FBXW9: variants seen among roughly 807,000 people sequenced by gnomAD.
FBXW9 encodes F-box and WD repeat domain containing 9, also known as F-box/WD repeat-containing protein 9.
In FBXW9, 38 loss-of-function variants were observed where a neutral mutation model predicts 55.8. That is an observed-to-expected ratio of 0.68 (90% CI 0.53 to 0.89). The LOEUF (loss-of-function observed/expected upper bound fraction) is 0.89. Ranked by LOEUF, FBXW9 falls within the 40% of genes least tolerant of loss-of-function variation. The pLI, the probability that FBXW9 is intolerant of heterozygous loss-of-function variation, is 0.00. For synonymous variants in FBXW9, 289 were observed against 278.2 expected (o/e 1.04, Z -0.38); for missense variants, 590 against 619.4 (o/e 0.95, Z 0.50).
At chr19:12,693,452 A>C (rs1392359428) in intron 3 of FBXW9, among the ~76,000 whole-genome samples, 2 of 134,770 alleles carry the variant, frequency 1.5e-5, no homozygotes, top group Non-Finnish European at 3.1e-5. Context: ...TGAGGCCAGG[A>C]GTTTGAGACC....
rs367865311 is a variant in FBXW9 at position 12,690,096 on chromosome 19, A to G, written c.898T>C (p.Leu300=). The part of the protein sequence containing the change: ...IYDPRAGPAL[L]KHQQLHSRPV... Reference sequence around the variant, plus strand: ...CTGGAGTGTAGTTGCTGGTGCTTCAACAGGGCTGGGCCGGCTTCATGGGTG... The same window carrying G: ...CTGGAGTGTAGTTGCTGGTGCTTCAGCAGGGCTGGGCCGGCTTCATGGGTG... The change falls in exon 6 of 10, where the codon TTG becomes CTG. Residue 300 remains leucine (L), a synonymous_variant. Transcript: ENST00000393261. 24 of 1,613,752 alleles carry G rather than the reference A, an allele frequency of 1.5e-5. No homozygotes were observed. In the African/African-American group the frequency reaches 3.1e-4, roughly 21 times the overall value.
At position 12,696,160 on chromosome 19, in the gene FBXW9, C is replaced by G. The variant is rs1599398023; in HGVS notation, c.409+13G>C. 1 of 1,510,398 alleles carries G rather than the reference C, an allele frequency of 6.6e-7. No individual in the cohort carries two copies. The allele number at this position is 1,510,398 out of a possible 1,614,324, so 93.6% of individuals were successfully genotyped here. On this transcript the variant is annotated intron_variant, in intron 1 of 9. Coordinates refer to ENST00000393261, the MANE Select transcript of FBXW9 (RefSeq NM_032301.3). Reference sequence around the variant, plus strand: ...CCCCCGGCCCCCGGTCCCCGGCCCCCGGCCCCGCGCACCTTCCACCACTGG... The same window carrying G: ...CCCCCGGCCCCCGGTCCCCGGCCCCGGGCCCCGCGCACCTTCCACCACTGG...
Position 12,689,337 on chromosome 19 carries a change from G to A in FBXW9, c.1302+35C>T. On this transcript the variant is annotated intron_variant, in intron 9 of 9. Transcript: ENST00000393261. The surrounding 1 kb of genome is among the most constrained non-coding windows in gnomAD (Gnocchi z 5.9). ...AGGAGTCAGGGACGATGGCGCTCTG[G>A]CCAGCTGGGCAGGGCACATGGGGCA... is the stretch of plus-strand genomic sequence containing the variant. 1.9e-6 allele frequency: 3 copies of A among 1,614,156 alleles called. No individual in the cohort carries two copies. The highest frequency in any genetic ancestry group is 1.7e-6 in the Non-Finnish European group (2 of 1,180,018).
chr19:12,695,029 C>A, intron 1 of FBXW9, 91 bp from the exon 2 acceptor site: 1 of 1,418,984 alleles, frequency 7.0e-7, no homozygotes, highest in African/African-American at 1.4e-5. Context: ...CCAGGGAGCC[C>A]ACACTACACC....
intron 3 of FBXW9, 119 bp from the exon 4 acceptor site, chr19:12,691,573 A>G (rs1599394614): frequency 2.6e-6 from 2 of 759,872 alleles, no homozygotes; most frequent in East Asian, 2.7e-5. Flanking sequence ...AAAGCCACAT[A>G]GCTCTTCCTC....
intron 3 of FBXW9, among the ~76,000 whole-genome samples, chr19:12,693,173 G>A (rs2025027244): frequency 2.0e-5 from 3 of 151,918 alleles, no homozygotes; most frequent in Admixed American, 2.0e-4. Flanking sequence ...CCAGCATCCT[G>A]GCCCCAAGCC....
In FBXW9 at chr19:12,696,599, T is replaced by C. The variant is rs1180901469; in HGVS notation, c.-18A>G. ...AGCTCCATTGCGACCGGGTGGGCGC[T>C]GCCGGCCTCGCGTCTTGTCTCCTAG... is the stretch of plus-strand genomic sequence containing the variant. On this transcript the variant is annotated 5_prime_UTR_variant, in exon 1 of 10. Coordinates refer to ENST00000393261, the MANE Select transcript of FBXW9 (RefSeq NM_032301.3). 6.2e-7 allele frequency: 1 copy of C among 1,602,316 alleles called. No homozygotes were observed. Among genetic ancestry groups the C allele is most frequent in the Non-Finnish European group, 8.5e-7 (1 of 1,178,888 alleles).
At position 12,693,555 on chromosome 19, in the gene FBXW9, TATATATACACACACAC is replaced by T. The variant is rs1277979613; in HGVS notation, c.678+1023_678+1038del. Among the ~76,000 whole-genome samples the T allele has an allele frequency of 7.5e-3, 153 of 20,492 alleles. 2 individuals carry two copies. Among genetic ancestry groups the T allele is most frequent in the Non-Finnish European group, 0.011 (120 of 11,388 alleles). 13.4% of individuals were successfully genotyped at this position (20,492 alleles called of 152,430 possible). On this transcript the variant is annotated intron_variant, in intron 3 of 9. Coordinates refer to ENST00000393261, the MANE Select transcript of FBXW9 (RefSeq NM_032301.3). ...ATATATATATATATATATATATATA[TATATATACACACACAC>T]ACACACACACACACACACACACACA...
rs2025001524 is a variant in FBXW9, at chr19:12,691,156, C to G, written c.883+10G>C. Reference sequence around the variant, plus strand: ...ATCTCCCAACCTGGGCCCCAGGACCCTTGGCCCACCTCTGGGGTCGTAGAT... The same window carrying G: ...ATCTCCCAACCTGGGCCCCAGGACCGTTGGCCCACCTCTGGGGTCGTAGAT... On this transcript the variant is annotated intron_variant, in intron 5 of 9. Coordinates refer to ENST00000393261, the MANE Select transcript of FBXW9 (RefSeq NM_032301.3). 6.2e-7 allele frequency: 1 copy of G among 1,612,386 alleles called. No individual in the cohort carries two copies. Among genetic ancestry groups the G allele is most frequent in the Non-Finnish European group, 8.5e-7 (1 of 1,178,598 alleles).
chr19:12,691,877 T>C (rs1228904509), intron 3 of FBXW9, among the ~76,000 whole-genome samples: 1 of 151,974 alleles, frequency 6.6e-6, no homozygotes, highest in Non-Finnish European at 1.5e-5. Context: ...TGCCTCAGCC[T>C]CTCTAGTAGC....
Position 12,694,733 on chromosome 19 carries a change from A to T in FBXW9, c.550-11T>A. On this transcript the variant is annotated splice_polypyrimidine_tract_variant and intron_variant, in intron 2 of 9. Coordinates refer to ENST00000393261, the MANE Select transcript of FBXW9 (RefSeq NM_032301.3). ...ACAGAGTGACCCACCCTGGAAAGGG[A>T]GCAAGGTGATGTTGTCAGGGCCACC... 1 of 1,614,196 alleles carries T rather than the reference A, an allele frequency of 6.2e-7. No homozygotes were observed. Among genetic ancestry groups the T allele is most frequent in the Non-Finnish European group, 8.5e-7 (1 of 1,180,024 alleles).
intron 3 of FBXW9, among the ~76,000 whole-genome samples, chr19:12,693,561 TACACACACACACACACACACACACAC>T (rs1169069518): frequency 2.9e-4 from 3 of 10,268 alleles, no homozygotes; most frequent in African/African-American, 1.4e-3. Flanking sequence ...TATATATATA[TACACACACACACACACACACACACAC>T]ACACACACAC....
Position 12,693,529 on chromosome 19 carries a change from AATAT to A in FBXW9, c.678+1061_678+1064del, listed in dbSNP as rs1386860076. Among the ~76,000 whole-genome samples, 204 of 21,130 alleles carry A rather than the reference AATAT, an allele frequency of 9.7e-3. 4 individuals are homozygous for A. The highest frequency in any genetic ancestry group is 0.062 in the Middle Eastern group (1 of 16). The allele number at this position is 21,130 out of a possible 152,430, so 13.9% of individuals were successfully genotyped here. The stretch of plus-strand genomic sequence containing the variant: ...AAAAAAAAAAAAAAAAAAAAAAAAA[AATAT>A]ATATATATATATATATATATATATA... On this transcript the variant is annotated intron_variant, in intron 3 of 9. Transcript: ENST00000393261.
At position 12,696,270 on chromosome 19, in the gene FBXW9, C is replaced by T. The variant is rs1184903925; in HGVS notation, c.312G>A (p.Ser104=). The change falls in exon 1 of 10, where the codon TCG becomes TCA. Residue 104 remains serine, a synonymous_variant. Coordinates refer to ENST00000393261, the MANE Select transcript of FBXW9 (RefSeq NM_032301.3). Reference sequence around the variant, plus strand: ...GGTCGCGGAGCGCGTGGCACACCCGCGACAGGACGTGGAGCACGAGGCGGG... The same window carrying T: ...GGTCGCGGAGCGCGTGGCACACCCGTGACAGGACGTGGAGCACGAGGCGGG... ...LDARLVLHVL[S]RVCHALRDLV... 5.7e-6 allele frequency: 9 copies of T among 1,572,090 alleles called. No individual in the cohort carries two copies. In the African/African-American group the frequency reaches 9.5e-5, roughly 17 times the overall value.
chr19:12,696,422 A>G lies in FBXW9; in HGVS notation c.160T>C (p.Ser54Pro), dbSNP rs200089523. 479 of 1,611,788 alleles carry G rather than the reference A, an allele frequency of 3.0e-4. 1 individual carries two copies. The African/African-American group carries it at 5.3e-3, about 18-fold the overall frequency. The change falls in exon 1 of 10, where the codon TCC becomes CCC. Residue 54 changes from serine to proline, a missense_variant. By Grantham distance (74) the Ser-to-Pro change is moderately conservative. Transcript: ENST00000393261. The part of the protein sequence containing the change: ...GLAFSRPSQL[S>P]TPAASPSASE... The stretch of plus-strand genomic sequence containing the variant: ...GCGCTCGGGGACGCGGCGGGTGTGG[A>G]TAGCTGCGAGGGGCGCGAGAACGCC...
rs776167680 is a variant in FBXW9, at chr19:12,696,423, T to C, written c.159A>G (p.Leu53=). The C allele has an allele frequency of 3.7e-6, 6 of 1,611,736 alleles. No individual in the cohort carries two copies. The highest frequency in any genetic ancestry group is 2.2e-5 in the East Asian group (1 of 44,870). The change falls in exon 1 of 10, where the codon CTA becomes CTG. Residue 53 remains leucine (L), a synonymous_variant. Coordinates refer to ENST00000393261, the MANE Select transcript of FBXW9 (RefSeq NM_032301.3). ...CGCTCGGGGACGCGGCGGGTGTGGA[T>C]AGCTGCGAGGGGCGCGAGAACGCCA... is the stretch of plus-strand genomic sequence containing the variant. The part of the protein sequence containing the change: ...SGLAFSRPSQ[L]STPAASPSAS...
chr19:12,694,727 A>C lies in FBXW9; in HGVS notation c.550-5T>G, dbSNP rs1218893320. 1.2e-6 allele frequency: 2 copies of C among 1,614,190 alleles called. No individual in the cohort carries two copies. Among genetic ancestry groups the C allele is most frequent in the Admixed American group, 1.7e-5 (1 of 60,020 alleles). On this transcript the variant is annotated splice_region_variant and splice_polypyrimidine_tract_variant and intron_variant, in intron 2 of 9. Transcript: ENST00000393261. ...CGACAGACAGAGTGACCCACCCTGG[A>C]AAGGGAGCAAGGTGATGTTGTCAGG...
chr19:12,696,053 C>T, intron 1 of FBXW9, 120 bp downstream of exon 1: 1 of 1,052,970 alleles, frequency 9.5e-7, no homozygotes, highest in Non-Finnish European at 1.3e-6. Flanking sequence ...TGAGCCAGGA[C>T]AGCCACGAAG....
At chr19:12,693,559 TATACACACACACAC>T (rs1429748189) in intron 3 of FBXW9, among the ~76,000 whole-genome samples, 209 of 10,976 alleles carry the variant, frequency 0.019, 3 homozygotes, top group East Asian at 0.024. Flanking sequence ...TATATATATA[TATACACACACACAC>T]ACACACACAC....
Sources: allele counts gnomAD v4.1 joint callset (sites outside exome capture counted in the v4.1 genomes callset), GRCh38; gene constraint gnomAD v4.1.1; non-coding constraint Gnocchi (gnomAD v3.1); transcripts MANE v1.5; gene names NCBI Gene and HGNC (gene_info 2026-07-23, HGNC 2026-07-21).